The following CPNE1 variants were observed in gnomAD, a reference collection of about 807,000 sequenced individuals.
CPNE1 encodes copine 1.
Under a neutral mutation model 63.2 loss-of-function variants are expected in CPNE1, and 58 were observed. That is an observed-to-expected ratio of 0.92 (90% CI 0.74 to 1.14). CPNE1 has a LOEUF of 1.14. CPNE1 is among the 50% of genes most tolerant of loss of function. CPNE1 has a pLI of 0.00. For missense variants in CPNE1, 672 were observed against 661.7 expected (o/e 1.02, Z -0.17); for synonymous variants, 237 against 249.0 (o/e 0.95, Z 0.45).
In CPNE1 at chr20:35,653,254, G is replaced by A. The variant is rs188287954; in HGVS notation, c.-1+11506C>T. The A allele has an allele frequency of 3.2e-5, 51 of 1,612,976 alleles. No homozygotes were observed. In the East Asian group the frequency reaches 4.2e-4, roughly 13 times the overall value. On this transcript the variant is annotated intron_variant, in intron 1 of 15. Coordinates refer to ENST00000397443, the MANE Select transcript of CPNE1 (RefSeq NM_152925.3). Reference sequence around the variant, plus strand: ...AGGTATTCCTGCACTGGGCATTCCCGCACCAGGCAGTCCTGCACTGGTTAT... The same window carrying A: ...AGGTATTCCTGCACTGGGCATTCCCACACCAGGCAGTCCTGCACTGGTTAT...
intron 15 of CPNE1, 45 bp downstream of exon 15, chr20:35,626,522 A>C (rs760814698): frequency 1.3e-6 from 2 of 1,599,044 alleles, no homozygotes; most frequent in Non-Finnish European, 8.6e-7. Flanking sequence ...CACATCAGGG[A>C]AAGGTGAAAG....
In CPNE1 at chr20:35,632,711, C is replaced by CA. The variant is rs764576350; in HGVS notation, c.130-16dup. 3.7e-5 allele frequency: 34 copies of CA among 906,674 alleles called. No individual in the cohort carries two copies. The highest frequency in any genetic ancestry group is 1.1e-5 in the Non-Finnish European group (6 of 532,940). The allele number at this position is 906,674 out of a possible 1,614,324, so 56.2% of individuals were successfully genotyped here. ...GTCCGGCCAAGCTGTGGGCAGAGGCCAGTAAGCATCACAGTCACAGCCTCC... is the reference window on the plus strand; with the variant it reads ...GTCCGGCCAAGCTGTGGGCAGAGGCCAAGTAAGCATCACAGTCACAGCCTCC... On this transcript the variant is annotated splice_polypyrimidine_tract_variant and intron_variant, in intron 2 of 15. Transcript: ENST00000397443.
intron 1 of CPNE1, among the ~76,000 whole-genome samples, chr20:35,648,225 A>G (rs2033263388): frequency 6.6e-6 from 1 of 152,214 alleles, no homozygotes; most frequent in Non-Finnish European, 1.5e-5. Flanking sequence ...AAATGATCAG[A>G]TTCTATACTA....
intron 1 of CPNE1, among the ~76,000 whole-genome samples, chr20:35,647,038 T>C (rs574791635): frequency 1.3e-5 from 2 of 151,860 alleles, no homozygotes; most frequent in East Asian, 1.9e-4. Flanking sequence ...GGGCCGGGCA[T>C]GGTGGCTCAT....
chr20:35,645,913 G>A (rs1179078214), intron 1 of CPNE1, among the ~76,000 whole-genome samples: 1 of 152,050 alleles, frequency 6.6e-6, no homozygotes, highest in African/African-American at 2.4e-5. Flanking sequence ...AAGGCAATCA[G>A]AGGCACTGGT....
rs2032265858 is a variant in CPNE1 at position 35,632,929 on chromosome 20, G to T, written c.1-6C>A. On this transcript the variant is annotated splice_polypyrimidine_tract_variant and splice_region_variant and intron_variant, in intron 1 of 15. Transcript: ENST00000397443. ...AAGGTCACGCAGTGGGCCATCTGAG[G>T]GAAAAGGAGCTGGGTCAAGCACCAG... 1.1e-6 allele frequency: 1 copy of T among 870,130 alleles called. No homozygotes were observed. The highest frequency in any genetic ancestry group is 1.7e-5 in the Admixed American group (1 of 58,910). The allele number at this position is 870,130 out of a possible 1,614,324, so 53.9% of individuals were successfully genotyped here. A position where few individuals can be genotyped will look rare whatever the true frequency, so the allele number is the denominator to read the frequency against.
At chr20:35,653,276 T>C (rs1471491359) in intron 1 of CPNE1, 5 of 1,613,488 alleles carry the variant, frequency 3.1e-6, no homozygotes, top group Non-Finnish European at 4.2e-6. Flanking sequence ...CCTGCACTGG[T>C]TATTGCTGAA....
intron 1 of CPNE1, among the ~76,000 whole-genome samples, chr20:35,656,516 A>T (rs2033905390): frequency 6.6e-6 from 1 of 152,212 alleles, no homozygotes; most frequent in Non-Finnish European, 1.5e-5. Flanking sequence ...TTTCCAACCC[A>T]TCTGAAAAGT....
intron 1 of CPNE1, among the ~76,000 whole-genome samples, chr20:35,663,461 C>G (rs1437277927): frequency 1.3e-5 from 2 of 152,210 alleles, no homozygotes; most frequent in African/African-American, 4.8e-5. Context: ...CCTAGCCTCT[C>G]CCTTCAACAA....
At chr20:35,654,970 T>C (rs1326812261) in intron 1 of CPNE1, 2 of 1,614,134 alleles carry the variant, frequency 1.2e-6, no homozygotes, top group East Asian at 2.2e-5. Flanking sequence ...TGTGGGCAAG[T>C]TTACCCTGCT....
chr20:35,662,925 TAAAG>T (rs952729142), intron 1 of CPNE1, among the ~76,000 whole-genome samples: 8 of 152,210 alleles, frequency 5.3e-5, no homozygotes, highest in African/African-American at 1.4e-4. Flanking sequence ...GATTTGAACA[TAAAG>T]AAAATGAAAA....
Position 35,648,064 on chromosome 20 carries a change from C to CA in CPNE1, c.1-15142dup, listed in dbSNP as rs35084370. 3.8e-3 allele frequency among the ~76,000 whole-genome samples: 495 copies of CA among 131,338 alleles called. 2 individuals are homozygous for CA. Among genetic ancestry groups the CA allele is most frequent in the East Asian group, 8.5e-3 (38 of 4,466 alleles). 86.2% of individuals were successfully genotyped at this position (131,338 alleles called of 152,430 possible). On this transcript the variant is annotated intron_variant, in intron 1 of 15. Coordinates refer to ENST00000397443, the MANE Select transcript of CPNE1 (RefSeq NM_152925.3). The stretch of plus-strand genomic sequence containing the variant: ...TGGGCAACAGATACAGACTCCATCT[C>CA]AAAAAAAAAAAAAAATTACCATTTA...
chr20:35,640,306 C>T (rs1275781100), intron 1 of CPNE1, among the ~76,000 whole-genome samples: 2 of 152,162 alleles, frequency 1.3e-5, no homozygotes, highest in Non-Finnish European at 2.9e-5. Flanking sequence ...ACTCTTCTGT[C>T]CTACATCTCT....
At chr20:35,649,551 A>C (rs2033354207) in intron 1 of CPNE1, 1 of 152,650 alleles carries the variant, frequency 6.6e-6, no homozygotes, top group Non-Finnish European at 1.5e-5. Flanking sequence ...TAGGAACTAC[A>C]TTTCACTTAA....
intron 1 of CPNE1, chr20:35,653,939 T>C (rs1188347880): frequency 6.2e-7 from 1 of 1,614,176 alleles, no homozygotes; most frequent in South Asian, 1.1e-5. Context: ...CCATAAGCTA[T>C]ATAAATACTA....
chr20:35,658,927 T>C, intron 1 of CPNE1: 1 of 716,272 alleles, frequency 1.4e-6, no homozygotes, highest in Non-Finnish European at 2.6e-6. Context: ...CAAAATCTCT[T>C]ACCTGATAAA....
chr20:35,652,789 C>T, intron 1 of CPNE1: 2 of 1,609,448 alleles, frequency 1.2e-6, no homozygotes, highest in Non-Finnish European at 1.7e-6. Flanking sequence ...AGATGCAAAG[C>T]CAGGGGGACC....
At position 35,626,612 on chromosome 20, in the gene CPNE1, A is replaced by G; in HGVS notation, c.1428T>C (p.Ala476=). ...GPLHTRSGQA[A]ARDIVQFVPY... is the part of the protein sequence containing the mutation. ...GTACAAACTGCACAATGTCGCGGGC[A>G]GCAGCCTGCCCAGAACGTGTATGCA... The change falls in exon 15 of 16, where the codon GCT becomes GCC. Residue 476 remains alanine (A), a synonymous_variant. Coordinates refer to ENST00000397443, the MANE Select transcript of CPNE1 (RefSeq NM_152925.3). 2.5e-6 allele frequency: 4 copies of G among 1,614,200 alleles called. No homozygotes were observed. The highest frequency in any genetic ancestry group is 1.1e-5 in the South Asian group (1 of 91,082).
At chr20:35,652,921 C>A in intron 1 of CPNE1, 1 of 1,613,792 alleles carries the variant, frequency 6.2e-7, no homozygotes, top group Middle Eastern at 1.7e-4. Flanking sequence ...CCCCGGGGGA[C>A]CGCCTAAGCT....
Sources: allele counts gnomAD v4.1 joint callset (sites outside exome capture counted in the v4.1 genomes callset), GRCh38; gene constraint gnomAD v4.1.1; transcripts MANE v1.5; gene names NCBI Gene and HGNC (gene_info 2026-07-23, HGNC 2026-07-21).